Variants in MED27 observed in about 807,000 individuals in gnomAD.
MED27 encodes the protein mediator complex subunit 27.
In MED27, 30 loss-of-function variants were observed where a neutral mutation model predicts 38.2. That is an observed-to-expected ratio of 0.79 (90% CI 0.59 to 1.07). The LOEUF (loss-of-function observed/expected upper bound fraction) is 1.07, where lower values mean the gene tolerates loss of function less well. Among genes scored for constraint, MED27 ranks in the 50% least tolerant of loss-of-function variants. The pLI is 0.00. For missense variants in MED27, 289 were observed against 397.5 expected (o/e 0.73, Z 2.32); for synonymous variants, 122 against 153.5 (o/e 0.79, Z 1.52).
chr9:132,079,865 T>G lies in MED27; in HGVS notation c.-21A>C, dbSNP rs761172190. On this transcript the variant is annotated 5_prime_UTR_variant, in exon 1 of 8. Transcript: ENST00000292035. ...GCCATGTTGCCGCCGCCACAGCAGC[T>G]CTCCAAAGCCGGCTTCGCAAGCAAA... The G allele has an allele frequency of 6.4e-7, 1 of 1,559,836 alleles. No individual in the cohort carries two copies. The highest frequency in any genetic ancestry group is 8.7e-7 in the Non-Finnish European group (1 of 1,149,878).
intron 6 of MED27, among the ~76,000 whole-genome samples, chr9:131,870,400 C>T (rs1404054999): frequency 2.6e-5 from 4 of 152,198 alleles, no homozygotes; most frequent in African/African-American, 7.2e-5. Flanking sequence ...GGCAAGCGCC[C>T]GCCAAATGTG....
Position 131,940,795 on chromosome 9 carries a change from C to T in MED27, c.480-1321G>A, listed in dbSNP as rs2130969493. Among the ~76,000 whole-genome samples the T allele has an allele frequency of 2.0e-5, 3 of 152,324 alleles. No individual in the cohort carries two copies. The East Asian group carries it at 5.8e-4, about 29-fold the overall frequency. On this transcript the variant is annotated intron_variant, in intron 3 of 7. Transcript: ENST00000292035. ...CTAAACTCTCTACCTGGCTCTTACC[C>T]CAAACATATCAGGCAAGCTATCAGC...
intron 2 of MED27, among the ~76,000 whole-genome samples, chr9:132,034,506 T>A (rs1166809138): frequency 6.6e-6 from 1 of 152,222 alleles, no homozygotes; most frequent in Non-Finnish European, 1.5e-5. Context: ...TAAGAAATGT[T>A]CTGGAAAGAT....
chr9:132,021,786 T>C (rs550688725), intron 2 of MED27, among the ~76,000 whole-genome samples: 2 of 152,082 alleles, frequency 1.3e-5, no homozygotes, highest in African/African-American at 4.8e-5. Context: ...GAAGGCCCCA[T>C]GATGGGATTA....
chr9:131,992,546 T>C (rs1188269492), intron 3 of MED27, among the ~76,000 whole-genome samples: 1 of 152,062 alleles, frequency 6.6e-6, no homozygotes, highest in African/African-American at 2.4e-5. Context: ...TATAGGCACG[T>C]GCCACCACAC....
rs996619729 is a variant in MED27 at position 131,872,050 on chromosome 9, A to G, written c.724-8910T>C. ...GGGGCATGCTCCTGGGCCGGAGTGG[A>G]GGCTGGCGACGCAGCATGCAGGTGA... On this transcript the variant is annotated intron_variant, in intron 6 of 7. Coordinates refer to ENST00000292035, the MANE Select transcript of MED27 (RefSeq NM_004269.4). This position sits in a 1 kb window ranked among gnomAD's most constrained non-coding sequence, Gnocchi z 5.6. Among the ~76,000 whole-genome samples the G allele has an allele frequency of 4.6e-5, 7 of 152,158 alleles. No homozygotes were observed. Among genetic ancestry groups the G allele is most frequent in the African/African-American group, 1.7e-4 (7 of 41,420 alleles).
chr9:132,073,779 AAG>A, intron 2 of MED27: 1 of 1,506,544 alleles, frequency 6.6e-7, no homozygotes. Flanking sequence ...AAAAAAAAAA[AAG>A]GTAGCAGCAG....
intron 2 of MED27, among the ~76,000 whole-genome samples, chr9:132,064,253 A>T (rs1833761608): frequency 6.6e-6 from 1 of 152,128 alleles, no homozygotes; most frequent in African/African-American, 2.4e-5. Context: ...GCATCCGGGA[A>T]CCCAGCATAC....
chr9:131,908,730 C>T (rs1171329018), intron 4 of MED27, among the ~76,000 whole-genome samples: 1 of 152,172 alleles, frequency 6.6e-6, no homozygotes, highest in Non-Finnish European at 1.5e-5. Context: ...CCCAGGGACA[C>T]AAACACTGCG....
intron 3 of MED27, among the ~76,000 whole-genome samples, chr9:131,951,251 T>A (rs1323382682): frequency 1.3e-5 from 2 of 152,220 alleles, no homozygotes; most frequent in Admixed American, 1.3e-4. Flanking sequence ...ACAAGTGTCA[T>A]CAATCACGGT....
intron 3 of MED27, among the ~76,000 whole-genome samples, chr9:131,968,291 T>C (rs987329296): frequency 1.3e-5 from 2 of 152,012 alleles, no homozygotes; most frequent in African/African-American, 2.4e-5. Flanking sequence ...CTGGACAACA[T>C]AGTAAGACTT....
chr9:131,897,770 T>C (rs912231469), intron 4 of MED27, among the ~76,000 whole-genome samples: 1 of 152,198 alleles, frequency 6.6e-6, no homozygotes, highest in Non-Finnish European at 1.5e-5. Flanking sequence ...TAATAAGAAG[T>C]TTTTAAAAAT....
chr9:132,042,420 A>G (rs554516530), intron 2 of MED27, among the ~76,000 whole-genome samples: 1 of 152,332 alleles, frequency 6.6e-6, no homozygotes, highest in South Asian at 2.1e-4. Context: ...CACTTGCTGC[A>G]GGTCACAAGG....
chr9:131,945,977 A>AAC (rs941624160), intron 3 of MED27, among the ~76,000 whole-genome samples: 5 of 139,388 alleles, frequency 3.6e-5, no homozygotes, highest in Admixed American at 7.5e-5. Context: ...TTAAAAAAAA[A>AAC]AAAAAAAAAA....
At chr9:131,895,956 T>C (rs1007493891) in intron 4 of MED27, among the ~76,000 whole-genome samples, 36 of 151,840 alleles carry the variant, frequency 2.4e-4, no homozygotes, top group Admixed American at 2.0e-4. Context: ...TGGAGTGCAG[T>C]GGTGTGATCT....
At chr9:132,030,457 A>G (rs1832933480) in intron 2 of MED27, among the ~76,000 whole-genome samples, 1 of 152,180 alleles carries the variant, frequency 6.6e-6, no homozygotes, top group African/African-American at 2.4e-5. Context: ...AGGGGAAGAA[A>G]GGCCAGTCCT....
intron 6 of MED27, chr9:131,869,043 T>C: frequency 1.0e-6 from 1 of 985,472 alleles, no homozygotes; most frequent in Non-Finnish European, 1.2e-6. Flanking sequence ...TTTCAAAAAG[T>C]CCAGTATAAA....
In MED27 at chr9:131,891,045, G is replaced by A. The variant is rs183086914; in HGVS notation, c.681+2840C>T. 1.2e-3 allele frequency among the ~76,000 whole-genome samples: 187 copies of A among 152,328 alleles called. 1 individual carries two copies. The highest frequency in any genetic ancestry group is 4.2e-3 in the African/African-American group (173 of 41,572). ...TAATGATGATAACTCTGTGCTGTAA[G>A]GAGAGGCAAACCCAGGTCGGCCATC... On this transcript the variant is annotated intron_variant, in intron 5 of 7. Transcript: ENST00000292035.
intron 3 of MED27, among the ~76,000 whole-genome samples, chr9:131,948,697 C>A (rs2130981668): frequency 6.6e-6 from 1 of 152,204 alleles, no homozygotes; most frequent in East Asian, 1.9e-4. Flanking sequence ...TTGTTCTCTT[C>A]CAAGGAAAGA....
Sources: allele counts gnomAD v4.1 joint callset (sites outside exome capture counted in the v4.1 genomes callset), GRCh38; gene constraint gnomAD v4.1.1; non-coding constraint Gnocchi (gnomAD v3.1); transcripts MANE v1.5; gene names NCBI Gene and HGNC (gene_info 2026-07-23, HGNC 2026-07-21).